Variants in NLGN1 observed in about 807,000 individuals in gnomAD.
NLGN1 encodes neuroligin-1.
Under a neutral mutation model 65.5 loss-of-function variants are expected in NLGN1, and 12 were observed. The observed-to-expected ratio is 0.18, with a 90% confidence interval of 0.12 to 0.30. NLGN1 has a LOEUF of 0.30. NLGN1 is among the 10% of genes least tolerant of loss of function. The pLI is 1.00. For synonymous variants in NLGN1, 350 were observed against 359.5 expected (o/e 0.97, Z 0.30); for missense variants, 750 against 1,007.1 (o/e 0.74, Z 3.46).
At chr3:173,624,034 C>G (rs1029462869) in intron 3 of NLGN1, among the ~76,000 whole-genome samples, 7 of 152,058 alleles carry the variant, frequency 4.6e-5, no homozygotes, top group African/African-American at 1.7e-4. Flanking sequence ...AGTTGTTCTC[C>G]ATGAAAGGGG....
At chr3:174,060,886 A>G (rs1380076811) in intron 4 of NLGN1, among the ~76,000 whole-genome samples, 8 of 152,060 alleles carry the variant, frequency 5.3e-5, no homozygotes, top group Non-Finnish European at 1.0e-4. Context: ...GGAGCCATTT[A>G]GAATCTCTTA....
intron 4 of NLGN1, among the ~76,000 whole-genome samples, chr3:173,919,248 A>G (rs997882974): frequency 1.3e-5 from 2 of 152,202 alleles, no homozygotes; most frequent in South Asian, 2.1e-4. Flanking sequence ...GCCATTTTGT[A>G]TCTGCTACAG....
intron 4 of NLGN1, among the ~76,000 whole-genome samples, chr3:174,067,092 T>G (rs1302610387): frequency 6.6e-6 from 1 of 152,014 alleles, no homozygotes; most frequent in Non-Finnish European, 1.5e-5. Flanking sequence ...CTTAAATAAC[T>G]CCTTCAGATA....
chr3:173,956,790 A>T (rs1312667926), intron 4 of NLGN1, among the ~76,000 whole-genome samples: 2 of 152,228 alleles, frequency 1.3e-5, no homozygotes, highest in East Asian at 3.9e-4. Context: ...GATAAATAGC[A>T]TTAAATATAA....
At chr3:173,450,824 G>A (rs929394958) in intron 2 of NLGN1, among the ~76,000 whole-genome samples, 1 of 151,976 alleles carries the variant, frequency 6.6e-6, no homozygotes, top group Non-Finnish European at 1.5e-5. Context: ...GTCTTACATA[G>A]CTGATACCCT....
chr3:173,623,354 G>GA lies in NLGN1; in HGVS notation c.493+18274dup, dbSNP rs5854524. On this transcript the variant is annotated intron_variant, in intron 3 of 6. Coordinates refer to ENST00000457714, the Ensembl canonical transcript of NLGN1. ...AATGGGGAAATGTGATTATTTTTGT[G>GA]AAAAAAAAAAACAGATTGTTGGAGA... 6.3e-3 allele frequency among the ~76,000 whole-genome samples: 920 copies of GA among 146,750 alleles called. 10 individuals are homozygous for GA. Among genetic ancestry groups the GA allele is most frequent in the African/African-American group, 0.018 (721 of 40,124 alleles).
At chr3:173,857,286 G>T (rs573664307) in intron 4 of NLGN1, among the ~76,000 whole-genome samples, 11 of 152,182 alleles carry the variant, frequency 7.2e-5, no homozygotes, top group Admixed American at 1.3e-4. Context: ...CCCCTGACAT[G>T]CTGGGACTTG....
At chr3:173,763,808 A>AC (rs1778361746) in intron 3 of NLGN1, among the ~76,000 whole-genome samples, 1 of 152,154 alleles carries the variant, frequency 6.6e-6, no homozygotes, top group Non-Finnish European at 1.5e-5. Flanking sequence ...AAGAAAAAGA[A>AC]GAAAAAAGCA....
Position 173,579,942 on chromosome 3 carries a change from T to TA in NLGN1, c.-320-24331dup, listed in dbSNP as rs573921110. Among the ~76,000 whole-genome samples the TA allele has an allele frequency of 3.6e-4, 55 of 152,236 alleles. No homozygotes were observed. The South Asian group carries it at 0.011, about 30-fold the overall frequency. On this transcript the variant is annotated intron_variant, in intron 2 of 6. Coordinates refer to ENST00000457714, the Ensembl canonical transcript of NLGN1. ...GCTTCAGAATTTTTAAAATTATTTTTAAAAAATTGTTGTGGGTATATAGTA... is the reference window on the plus strand; with the variant it reads ...GCTTCAGAATTTTTAAAATTATTTTTAAAAAAATTGTTGTGGGTATATAGTA...
chr3:173,658,965 A>G (rs1229494458), intron 3 of NLGN1, among the ~76,000 whole-genome samples: 1 of 152,036 alleles, frequency 6.6e-6, no homozygotes, highest in Non-Finnish European at 1.5e-5. Flanking sequence ...AGTACAGTTA[A>G]CCTTATCTGA....
intron 4 of NLGN1, among the ~76,000 whole-genome samples, chr3:173,924,640 T>TAA (rs1560643660): frequency 1.3e-5 from 2 of 151,094 alleles, no homozygotes; most frequent in African/African-American, 4.9e-5. Flanking sequence ...AAAATAAAAA[T>TAA]AAAAATAAAA....
At chr3:173,786,371 A>G (rs1279225700) in intron 3 of NLGN1, among the ~76,000 whole-genome samples, 1 of 151,968 alleles carries the variant, frequency 6.6e-6, no homozygotes, top group Non-Finnish European at 1.5e-5. Flanking sequence ...TCTTGTTCTC[A>G]TATGTTTTCT....
chr3:173,545,635 C>T (rs947712390), intron 2 of NLGN1, among the ~76,000 whole-genome samples: 1 of 152,150 alleles, frequency 6.6e-6, no homozygotes, highest in African/African-American at 2.4e-5. Flanking sequence ...TATAAAGACA[C>T]TTGCACATGT....
intron 4 of NLGN1, among the ~76,000 whole-genome samples, chr3:174,263,845 C>G (rs368234412): frequency 6.6e-6 from 1 of 150,852 alleles, no homozygotes; most frequent in Admixed American, 6.6e-5. Flanking sequence ...CCATGTTTAG[C>G]GCTTCCTTCA....
At chr3:173,729,809 C>A (rs1018895442) in intron 3 of NLGN1, among the ~76,000 whole-genome samples, 1 of 152,052 alleles carries the variant, frequency 6.6e-6, no homozygotes, top group Non-Finnish European at 1.5e-5. Flanking sequence ...GGGACCCATA[C>A]ATTGGTGGTT....
chr3:174,152,398 A>C (rs1171247351), intron 4 of NLGN1, among the ~76,000 whole-genome samples: 1 of 152,066 alleles, frequency 6.6e-6, no homozygotes, highest in Non-Finnish European at 1.5e-5. Flanking sequence ...TTAAAAATAC[A>C]AAAAAACAAA....
chr3:173,725,926 C>T (rs1034236189), intron 3 of NLGN1, among the ~76,000 whole-genome samples: 2 of 152,106 alleles, frequency 1.3e-5, no homozygotes, highest in African/African-American at 4.8e-5. Flanking sequence ...CCATGTGACC[C>T]TCTCTATAGG....
intron 4 of NLGN1, among the ~76,000 whole-genome samples, chr3:173,813,819 C>T (rs934929849): frequency 2.0e-5 from 3 of 152,040 alleles, no homozygotes; most frequent in Non-Finnish European, 2.9e-5. Flanking sequence ...GAAAAAAATA[C>T]GCAAATAATA....
chr3:173,707,391 A>T (rs1312679481), intron 3 of NLGN1, among the ~76,000 whole-genome samples: 2 of 152,244 alleles, frequency 1.3e-5, no homozygotes, highest in Non-Finnish European at 2.9e-5. Context: ...CTGTGAAACT[A>T]AGGGAATAAC....
Sources: allele counts gnomAD v4.1 joint callset (sites outside exome capture counted in the v4.1 genomes callset), GRCh38; gene constraint gnomAD v4.1.1; transcripts MANE v1.5; gene names NCBI Gene and HGNC (gene_info 2026-07-23, HGNC 2026-07-21).